Variants in LNPK observed in about 807,000 individuals in gnomAD.
LNPK encodes lunapark, ER junction formation factor.
Under a neutral mutation model 55.2 loss-of-function variants are expected in LNPK, and 29 were observed. That is an observed-to-expected ratio of 0.53 (90% CI 0.39 to 0.72). The LOEUF is 0.72. Ranked by LOEUF, LNPK falls within the 30% of genes least tolerant of loss-of-function variation. The probability of loss-of-function intolerance (pLI) is 0.00; values close to 1 mark genes in which losing one functional copy is unlikely to be tolerated. For synonymous variants in LNPK, 162 were observed against 168.2 expected (o/e 0.96, Z 0.29); for missense variants, 467 against 494.8 (o/e 0.94, Z 0.53).
chr2:175,996,405 A>G (rs1221155899), intron 1 of LNPK, among the ~76,000 whole-genome samples: 2 of 152,216 alleles, frequency 1.3e-5, no homozygotes, highest in African/African-American at 4.8e-5. Flanking sequence ...AAGTAATAAG[A>G]GAAAGCCAGC....
intron 4 of LNPK, among the ~76,000 whole-genome samples, chr2:175,980,405 A>T (rs1687114949): frequency 6.6e-6 from 1 of 152,194 alleles, no homozygotes. Context: ...CCTTCAAATA[A>T]ATACTTGATG....
chr2:175,975,161 GCATTAA>G (rs1014369719), intron 5 of LNPK, among the ~76,000 whole-genome samples: 3 of 151,822 alleles, frequency 2.0e-5, no homozygotes, highest in Admixed American at 6.6e-5. Context: ...CTGATAAAAA[GCATTAA>G]CATTTTTTAA....
At chr2:175,937,312 T>C (rs768350042) in intron 12 of LNPK, 32 bp downstream of exon 12, 4 of 1,587,780 alleles carry the variant, frequency 2.5e-6, no homozygotes, top group South Asian at 1.1e-5. Flanking sequence ...ACACATGTTA[T>C]TAAGGGGCAA....
chr2:175,979,296 C>T (rs182946004), intron 5 of LNPK, among the ~76,000 whole-genome samples: 172 of 152,198 alleles, frequency 1.1e-3, no homozygotes, highest in African/African-American at 4.0e-3. Context: ...CCATTGCTCA[C>T]GCCTGTAATC....
chr2:175,961,211 C>G (rs1451778207), intron 8 of LNPK, among the ~76,000 whole-genome samples: 1 of 152,168 alleles, frequency 6.6e-6, no homozygotes, highest in African/African-American at 2.4e-5. Flanking sequence ...TTTTATGAGG[C>G]CAGCATCAGC....
intron 9 of LNPK, chr2:175,941,084 C>CAA (rs544134783): frequency 8.0e-6 from 3 of 377,158 alleles, no homozygotes; most frequent in East Asian, 8.7e-5. Context: ...CCCATCTCTA[C>CAA]AAAAAAAAAT....
chr2:175,999,248 T>C (rs1378106957), intron 1 of LNPK, among the ~76,000 whole-genome samples: 1 of 152,226 alleles, frequency 6.6e-6, no homozygotes, highest in Non-Finnish European at 1.5e-5. Context: ...TTTAATTTCA[T>C]ACCTCTTCTG....
At position 175,927,956 on chromosome 2, in the gene LNPK, A is replaced by C. The variant is rs1385887997; in HGVS notation, c.*2011T>G. 6.6e-6 allele frequency: 1 copy of C among 152,206 alleles called. No individual in the cohort carries two copies. Among genetic ancestry groups the C allele is most frequent in the East Asian group, 1.9e-4 (1 of 5,176 alleles). 9.4% of individuals were successfully genotyped at this position (152,206 alleles called of 1,614,324 possible). A position where few individuals can be genotyped will look rare whatever the true frequency, so the allele number is the denominator to read the frequency against. On this transcript the variant is annotated 3_prime_UTR_variant, in exon 13 of 13. Transcript: ENST00000272748. Reference sequence around the variant, plus strand: ...TCAAATTTCTCTGAGGTACTCACTCATTTTCAAGCAATGTATATCAGAATT... The same window carrying C: ...TCAAATTTCTCTGAGGTACTCACTCCTTTTCAAGCAATGTATATCAGAATT...
rs369309716 is a variant in LNPK at position 175,969,278 on chromosome 2, G to A, written c.357+1486C>T. Reference sequence around the variant, plus strand: ...AACCATTTAAACTTGCAGAGCTATTGAACTCAACTTTTTCAACTGTTGTCA... The same window carrying A: ...AACCATTTAAACTTGCAGAGCTATTAAACTCAACTTTTTCAACTGTTGTCA... On this transcript the variant is annotated intron_variant, in intron 6 of 12. Transcript: ENST00000272748. Among the ~76,000 whole-genome samples the A allele has an allele frequency of 1.2e-4, 19 of 152,260 alleles. No homozygotes were observed. The East Asian group carries it at 3.1e-3, about 25-fold the overall frequency.
At chr2:175,962,960 A>G (rs1217350653) in intron 8 of LNPK, among the ~76,000 whole-genome samples, 6 of 149,146 alleles carry the variant, frequency 4.0e-5, no homozygotes, top group Middle Eastern at 3.2e-3. Flanking sequence ...AAAAATGCTC[A>G]TCATCACTGG....
chr2:175,960,661 A>G (rs960488007), intron 8 of LNPK, among the ~76,000 whole-genome samples: 2 of 152,212 alleles, frequency 1.3e-5, no homozygotes, highest in African/African-American at 2.4e-5. Flanking sequence ...TAGAGAAGCA[A>G]GAGCAAACAC....
intron 8 of LNPK, among the ~76,000 whole-genome samples, chr2:175,953,579 C>T (rs1268805508): frequency 1.3e-5 from 2 of 151,900 alleles, no homozygotes; most frequent in Non-Finnish European, 2.9e-5. Flanking sequence ...ACCCCTGCCC[C>T]GCTTTCCAAA....
chr2:175,963,028 T>C (rs1411141936), intron 8 of LNPK, among the ~76,000 whole-genome samples: 1 of 147,828 alleles, frequency 6.8e-6, no homozygotes, highest in Non-Finnish European at 1.5e-5. Context: ...CCAGTTAGAA[T>C]GGCAATCATT....
intron 4 of LNPK, among the ~76,000 whole-genome samples, chr2:175,983,573 ACT>A (rs1201964034): frequency 3.9e-5 from 6 of 152,188 alleles, no homozygotes; most frequent in Non-Finnish European, 5.9e-5. Context: ...AGTGGGCTAA[ACT>A]CACTAAGGTA....
chr2:175,980,669 G>A (rs549361369), intron 4 of LNPK, among the ~76,000 whole-genome samples: 282 of 152,246 alleles, frequency 1.9e-3, no homozygotes, highest in Non-Finnish European at 3.6e-3. Context: ...CACTTTGGGA[G>A]GCCAAGGCAG....
At chr2:175,938,286 TA>T in intron 11 of LNPK, 26 bp downstream of exon 11, 1 of 1,392,524 alleles carries the variant, frequency 7.2e-7, no homozygotes, top group Non-Finnish European at 1.0e-6. Context: ...ATAAAATATT[TA>T]AATCTCATTG....
At chr2:175,975,421 A>ATGAAATAT (rs1686866162) in intron 5 of LNPK, among the ~76,000 whole-genome samples, 1 of 152,202 alleles carries the variant, frequency 6.6e-6, no homozygotes, top group Non-Finnish European at 1.5e-5. Context: ...TACTACTTTT[A>ATGAAATAT]ACAGTCCTAC....
upstream of LNPK, chr2:176,002,557 C>T (rs1688212160): frequency 5.0e-6 from 1 of 198,862 alleles, no homozygotes; most frequent in Non-Finnish European, 1.0e-5. Flanking sequence ...TGCCAAGTCT[C>T]GCTGGAGAAG....
At chr2:175,987,162 C>T (rs549759050) in intron 4 of LNPK, among the ~76,000 whole-genome samples, 4 of 152,078 alleles carry the variant, frequency 2.6e-5, no homozygotes, top group Admixed American at 2.0e-4. Context: ...ACCCAGCCAT[C>T]CCATTACTGG....
Sources: gnomAD v4.1 joint callset for allele counts (sites outside exome capture counted in the v4.1 genomes callset) on GRCh38, gnomAD v4.1.1 for gene constraint, MANE v1.5 for transcripts, NCBI Gene and HGNC (gene_info 2026-07-23, HGNC 2026-07-21) for gene names.